CAMK4: variants seen among roughly 807,000 people sequenced by gnomAD.
CAMK4 encodes the protein calcium/calmodulin-dependent protein kinase type IV.
Under a neutral mutation model 44.9 loss-of-function variants are expected in CAMK4, and 22 were observed. The observed-to-expected ratio is 0.49, with a 90% CI of 0.35 to 0.70. The LOEUF is 0.70. Among genes scored for constraint, CAMK4 ranks in the 30% least tolerant of loss-of-function variants. The probability of loss-of-function intolerance (pLI) is 0.01; values close to 1 mark genes in which losing one functional copy is unlikely to be tolerated. For missense variants in CAMK4, 498 were observed against 586.8 expected (o/e 0.85, Z 1.56); for synonymous variants, 218 against 215.4 (o/e 1.01, Z -0.11).
At chr5:111,231,634 T>C (rs1261802898) in intron 1 of CAMK4, among the ~76,000 whole-genome samples, 1 of 152,230 alleles carries the variant, frequency 6.6e-6, no homozygotes, top group Non-Finnish European at 1.5e-5. Flanking sequence ...TTTCTCCCAT[T>C]TCTATGTATT....
Position 111,493,854 on chromosome 5 carries a change from A to G in CAMK4, c.*9388A>G, listed in dbSNP as rs999919943. 6.6e-6 allele frequency: 1 copy of G among 152,196 alleles called. No homozygotes were observed. The highest frequency in any genetic ancestry group is 1.5e-5 in the Non-Finnish European group (1 of 68,032). 9.4% of individuals were successfully genotyped at this position (152,196 alleles called of 1,614,324 possible). A position where few individuals can be genotyped will look rare whatever the true frequency, so the allele number is the denominator to read the frequency against. On this transcript the variant is annotated 3_prime_UTR_variant, in exon 11 of 11. Transcript: ENST00000282356. The surrounding 1 kb of genome is among the most constrained non-coding windows in gnomAD (Gnocchi z 4.1). ...CCTGTGATTAGTGAATGGCGGCATT[A>G]TTCCTGAAGACAAATGAAGGAAGAT...
At chr5:111,321,793 A>T (rs1464714446) in intron 1 of CAMK4, among the ~76,000 whole-genome samples, 2 of 152,196 alleles carry the variant, frequency 1.3e-5, no homozygotes, top group East Asian at 3.9e-4. Context: ...GATGCTGTTG[A>T]TGTTTAAAAA....
At chr5:111,463,668 C>T (rs1038241686) in intron 7 of CAMK4, among the ~76,000 whole-genome samples, 1 of 152,232 alleles carries the variant, frequency 6.6e-6, no homozygotes, top group African/African-American at 2.4e-5. Context: ...CACCACAAGA[C>T]TCTGTGTAGA....
chr5:111,405,920 G>A lies in CAMK4; in HGVS notation c.459+11138G>A, dbSNP rs997846880. ...TCAAAATTTCCCTTAGATCTTTACT[G>A]TCAAGATCTATGAGTGTTACATATA... On this transcript the variant is annotated intron_variant, in intron 5 of 10. Transcript: ENST00000282356. Among the ~76,000 whole-genome samples, 64 of 152,230 alleles carry A rather than the reference G, an allele frequency of 4.2e-4. 1 individual carries two copies. Among genetic ancestry groups the A allele is most frequent in the Non-Finnish European group, 1.6e-4 (11 of 68,004 alleles).
At chr5:111,329,732 C>T (rs776923645) in intron 1 of CAMK4, among the ~76,000 whole-genome samples, 1 of 151,712 alleles carries the variant, frequency 6.6e-6, no homozygotes, top group South Asian at 2.1e-4. Context: ...AAAAATCATA[C>T]AGTCATCTCA....
chr5:111,270,679 A>G (rs187823623), intron 1 of CAMK4, among the ~76,000 whole-genome samples: 1 of 152,318 alleles, frequency 6.6e-6, no homozygotes, highest in East Asian at 1.9e-4. Context: ...ACTCTATTGA[A>G]AGTATTCCCC....
chr5:111,251,388 G>A (rs142736561), intron 1 of CAMK4, among the ~76,000 whole-genome samples: 1 of 152,260 alleles, frequency 6.6e-6, no homozygotes, highest in East Asian at 1.9e-4. Context: ...TTGTCTATAT[G>A]GGTGTCCAGG....
At position 111,407,384 on chromosome 5, in the gene CAMK4, C is replaced by T. The variant is rs571743138; in HGVS notation, c.459+12602C>T. Among the ~76,000 whole-genome samples, 3 of 149,632 alleles carry T rather than the reference C, an allele frequency of 2.0e-5. No individual in the cohort carries two copies. The East Asian group carries it at 5.9e-4, about 29-fold the overall frequency. On this transcript the variant is annotated intron_variant, in intron 5 of 10. Coordinates refer to ENST00000282356, the MANE Select transcript of CAMK4 (RefSeq NM_001744.6). The stretch of plus-strand genomic sequence containing the variant: ...AAAGAAAAGAAAAACACAAAAACAA[C>T]ACCCCAAAGTATACTAATAGAGAAG...
At chr5:111,299,548 TTGTTTAAA>T (rs1236628781) in intron 1 of CAMK4, among the ~76,000 whole-genome samples, 2 of 152,250 alleles carry the variant, frequency 1.3e-5, no homozygotes, top group African/African-American at 2.4e-5. Flanking sequence ...TAATTTTATA[TTGTTTAAA>T]TGTTTAAATG....
In CAMK4 at chr5:111,470,386, G is replaced by A. The variant is rs1300510596; in HGVS notation, c.626-2925G>A. ...TGGCTACAGATACAGTTCCTTAAAG[G>A]GTGCATCTTGCTGAATTGCTGTGTA... On this transcript the variant is annotated intron_variant, in intron 7 of 10. Coordinates refer to ENST00000282356, the MANE Select transcript of CAMK4 (RefSeq NM_001744.6). Among the ~76,000 whole-genome samples the A allele has an allele frequency of 2.0e-5, 3 of 152,014 alleles. No homozygotes were observed. In the South Asian group the frequency reaches 6.2e-4, roughly 32 times the overall value.
chr5:111,297,122 A>T (rs1310838121), intron 1 of CAMK4, among the ~76,000 whole-genome samples: 1 of 152,234 alleles, frequency 6.6e-6, no homozygotes, highest in African/African-American at 2.4e-5. Flanking sequence ...TAAAACTAAA[A>T]TGCGAACTAG....
At chr5:111,338,726 C>G (rs1170504697) in intron 1 of CAMK4, among the ~76,000 whole-genome samples, 1 of 151,410 alleles carries the variant, frequency 6.6e-6, no homozygotes, top group African/African-American at 2.4e-5. Flanking sequence ...GAGAACTTTT[C>G]CCATTGCTTG....
chr5:111,436,189 A>G (rs940835919), intron 5 of CAMK4, among the ~76,000 whole-genome samples: 1 of 152,260 alleles, frequency 6.6e-6, no homozygotes, highest in South Asian at 2.1e-4. Context: ...AAAGTAATGT[A>G]GGCAAAATGA....
chr5:111,299,862 C>T (rs933387162), intron 1 of CAMK4, among the ~76,000 whole-genome samples: 1 of 151,974 alleles, frequency 6.6e-6, no homozygotes, highest in African/African-American at 2.4e-5. Flanking sequence ...ATCATTTGCC[C>T]ATATATGACA....
At chr5:111,466,324 A>T (rs145542497) in intron 7 of CAMK4, among the ~76,000 whole-genome samples, 9 of 152,324 alleles carry the variant, frequency 5.9e-5, no homozygotes, top group Non-Finnish European at 8.8e-5. Flanking sequence ...ACTTCTATTC[A>T]TCATAGTACT....
At chr5:111,310,342 T>A (rs185524397) in intron 1 of CAMK4, among the ~76,000 whole-genome samples, 1 of 152,296 alleles carries the variant, frequency 6.6e-6, no homozygotes, top group East Asian at 1.9e-4. Context: ...ATGCTTTCAA[T>A]AAAGATAAAT....
At chr5:111,354,853 A>T (rs1249345633) in intron 2 of CAMK4, among the ~76,000 whole-genome samples, 2 of 152,078 alleles carry the variant, frequency 1.3e-5, no homozygotes, top group African/African-American at 4.8e-5. Flanking sequence ...AACCAGGCAG[A>T]CTCAGGATGC....
chr5:111,429,021 G>A (rs1413669896), intron 5 of CAMK4, among the ~76,000 whole-genome samples: 1 of 152,136 alleles, frequency 6.6e-6, no homozygotes, highest in Non-Finnish European at 1.5e-5. Context: ...ATAGCTATAT[G>A]TACCTACATC....
intron 1 of CAMK4, among the ~76,000 whole-genome samples, chr5:111,335,641 G>A (rs1044790729): frequency 6.6e-6 from 1 of 151,318 alleles, no homozygotes; most frequent in Non-Finnish European, 1.5e-5. Context: ...AGTCCTAAAT[G>A]TGGTAGCAGT....
Sources: gnomAD v4.1 joint callset for allele counts (sites outside exome capture counted in the v4.1 genomes callset) on GRCh38, gnomAD v4.1.1 for gene constraint, Gnocchi (gnomAD v3.1) non-coding constraint, MANE v1.5 for transcripts, NCBI Gene and HGNC (gene_info 2026-07-23, HGNC 2026-07-21) for gene names.